The following ITPKB variants were observed in gnomAD, a reference collection of about 807,000 sequenced individuals.
The protein encoded by ITPKB is IP3 3-kinase B.
A neutral mutation model predicts 69.4 loss-of-function variants in ITPKB; 13 were observed. That is an observed-to-expected ratio of 0.19 (90% CI 0.12 to 0.30). ITPKB has a LOEUF of 0.30. Among genes scored for constraint, ITPKB ranks in the 10% least tolerant of loss-of-function variants. ITPKB has a pLI of 1.00. For missense variants in ITPKB, 1,240 were observed against 1,250.5 expected (o/e 0.99, Z 0.13); for synonymous variants, 584 against 513.7 (o/e 1.14, Z -1.85).
intron 2 of ITPKB, among the ~76,000 whole-genome samples, chr1:226,670,873 G>A (rs1038392067): frequency 3.3e-5 from 5 of 152,146 alleles, no homozygotes; most frequent in Non-Finnish European, 7.3e-5. Context: ...CATTATGATC[G>A]TAGGGTTATG....
chr1:226,694,331 A>G (rs908525760), intron 2 of ITPKB, among the ~76,000 whole-genome samples: 24 of 152,356 alleles, frequency 1.6e-4, no homozygotes, highest in African/African-American at 5.3e-4. Flanking sequence ...GAGGCTACTG[A>G]TAACAGACCC....
In ITPKB at chr1:226,648,524, C is replaced by T. The variant is rs150006436; in HGVS notation, c.2032+148G>A. On this transcript the variant is annotated intron_variant, in intron 3 of 7. Transcript: ENST00000429204. ...GGCATTTACAAGGCATTGGTAAGGC[C>T]GCAGCCTGCAAGTGTGGCTGTGATT... 5.3e-3 allele frequency: 3,475 copies of T among 653,034 alleles called. 17 individuals are homozygous for T. The highest frequency in any genetic ancestry group is 7.0e-3 in the Non-Finnish European group (2,508 of 359,374). The allele number at this position is 653,034 out of a possible 1,614,324, so 40.5% of individuals were successfully genotyped here.
chr1:226,723,813 G>A (rs903847348), intron 2 of ITPKB, among the ~76,000 whole-genome samples: 1 of 152,014 alleles, frequency 6.6e-6, no homozygotes, highest in Non-Finnish European at 1.5e-5. Context: ...ACCTCTTGCC[G>A]GCAGCTGAAT....
At chr1:226,682,087 G>C (rs368925715) in intron 2 of ITPKB, among the ~76,000 whole-genome samples, 2 of 152,216 alleles carry the variant, frequency 1.3e-5, no homozygotes, top group South Asian at 4.1e-4. Context: ...TGAAGGCTGG[G>C]AGGGCAATGC....
chr1:226,711,452 T>G (rs1168552160), intron 2 of ITPKB, among the ~76,000 whole-genome samples: 1 of 150,580 alleles, frequency 6.6e-6, no homozygotes. Context: ...AGTGTGTGTG[T>G]GTGTGTGTGT....
At chr1:226,732,091 C>A (rs1471099962) in intron 2 of ITPKB, among the ~76,000 whole-genome samples, 1 of 111,638 alleles carries the variant, frequency 9.0e-6, no homozygotes. Context: ...GACAACAAAA[C>A]TAGTCAACAT....
intron 2 of ITPKB, among the ~76,000 whole-genome samples, chr1:226,658,830 G>A (rs1278693657): frequency 6.6e-6 from 1 of 152,126 alleles, no homozygotes; most frequent in South Asian, 2.1e-4. Flanking sequence ...GCTGGGCCTG[G>A]GGCAGGAGAA....
intron 2 of ITPKB, among the ~76,000 whole-genome samples, chr1:226,710,575 A>G (rs747109661): frequency 5.9e-5 from 9 of 152,284 alleles, no homozygotes; most frequent in Non-Finnish European, 8.8e-5. Flanking sequence ...GCCGTCCTCT[A>G]CCAGGTGCTG....
intron 2 of ITPKB, among the ~76,000 whole-genome samples, chr1:226,689,462 T>C (rs992972082): frequency 3.3e-5 from 5 of 152,144 alleles, no homozygotes; most frequent in Non-Finnish European, 7.3e-5. Flanking sequence ...AGGGGAATCC[T>C]ATAGGTAAAT....
chr1:226,668,001 T>G (rs1270076063), intron 2 of ITPKB, among the ~76,000 whole-genome samples: 1 of 152,114 alleles, frequency 6.6e-6, no homozygotes, highest in Non-Finnish European at 1.5e-5. Flanking sequence ...ACTAAGGGCC[T>G]GGCACGGAGC....
chr1:226,711,333 A>C (rs1356955989), intron 2 of ITPKB, among the ~76,000 whole-genome samples: 2 of 151,976 alleles, frequency 1.3e-5, no homozygotes, highest in East Asian at 3.9e-4. Flanking sequence ...AGATGTTGCC[A>C]AGGTAAATAA....
chr1:226,722,639 C>T (rs3768408), intron 2 of ITPKB, among the ~76,000 whole-genome samples: 30,085 of 152,072 alleles, frequency 0.2, 3,582 homozygotes, highest in East Asian at 0.38. Context: ...TCAGACCACC[C>T]CTGAGGTCAA....
intron 2 of ITPKB, among the ~76,000 whole-genome samples, chr1:226,721,512 T>C (rs1445568088): frequency 6.6e-6 from 1 of 152,150 alleles, no homozygotes; most frequent in Non-Finnish European, 1.5e-5. Flanking sequence ...CTTTTTTTTT[T>C]GAGACGGGGT....
chr1:226,685,193 C>T (rs1440550085), intron 2 of ITPKB, among the ~76,000 whole-genome samples: 1 of 152,202 alleles, frequency 6.6e-6, no homozygotes, highest in Non-Finnish European at 1.5e-5. Flanking sequence ...CATCTGCGGA[C>T]GCCCCTTTCA....
At chr1:226,655,336 C>T (rs552237218) in intron 2 of ITPKB, among the ~76,000 whole-genome samples, 1 of 152,244 alleles carries the variant, frequency 6.6e-6, no homozygotes, top group Non-Finnish European at 1.5e-5. Context: ...TGCCCTGTGA[C>T]TGCTCAGCCA....
rs9651015 is a variant in ITPKB, at chr1:226,707,592, C to T, written c.1932+27935G>A. On this transcript the variant is annotated intron_variant, in intron 2 of 7. Transcript: ENST00000429204. ...CTATATAAAATGCCATCAACATGTT[C>T]GGGCAGTGGGGGCTCAATGGGGATA... is the stretch of plus-strand genomic sequence containing the variant. The T allele has an allele frequency of 6.5e-3, 6,385 of 986,660 alleles. 305 individuals carry two copies. In the African/African-American group the frequency reaches 0.1, roughly 16 times the overall value. 61.1% of individuals were successfully genotyped at this position (986,660 alleles called of 1,614,324 possible).
At chr1:226,705,960 C>G (rs542772207) in intron 2 of ITPKB, among the ~76,000 whole-genome samples, 1 of 152,200 alleles carries the variant, frequency 6.6e-6, no homozygotes, top group African/African-American at 2.4e-5. Flanking sequence ...TCCCAAGCAC[C>G]CATATGTTCA....
chr1:226,666,196 C>T lies in ITPKB; in HGVS notation c.1933-17425G>A, dbSNP rs577043995. On this transcript the variant is annotated intron_variant, in intron 2 of 7. Coordinates refer to ENST00000429204, the MANE Select transcript of ITPKB (RefSeq NM_002221.4). The stretch of plus-strand genomic sequence containing the variant: ...AAGGCCACATGTGGAGAGCGAGCAG[C>T]TGTGATACCAGAAGGGAGCACATGG... Among the ~76,000 whole-genome samples, 10 of 152,338 alleles carry T rather than the reference C, an allele frequency of 6.6e-5. No individual in the cohort carries two copies. In the South Asian group the frequency reaches 2.1e-3, roughly 32 times the overall value.
At chr1:226,685,189 C>T (rs1020972010) in intron 2 of ITPKB, among the ~76,000 whole-genome samples, 1 of 152,196 alleles carries the variant, frequency 6.6e-6, no homozygotes, top group Admixed American at 6.5e-5. Flanking sequence ...CCTCCATCTG[C>T]GGACGCCCCT....
Sources: gnomAD v4.1 joint callset for allele counts (sites outside exome capture counted in the v4.1 genomes callset) on GRCh38, gnomAD v4.1.1 for gene constraint, MANE v1.5 for transcripts, NCBI Gene and HGNC (gene_info 2026-07-23, HGNC 2026-07-21) for gene names.